Variants in ARHGAP31 observed in about 807,000 individuals in gnomAD.
ARHGAP31 encodes Rho GTPase activating protein 31, also known as rho GTPase-activating protein 31.
In ARHGAP31, 34 loss-of-function variants were observed where a neutral mutation model predicts 113.9. The ratio of observed to expected loss-of-function variants is 0.30; its 90% CI spans 0.23 to 0.40. The LOEUF is 0.40. Among genes scored for constraint, ARHGAP31 ranks in the 10% least tolerant of loss-of-function variants. The pLI, the probability that ARHGAP31 is intolerant of heterozygous loss-of-function variation, is 1.00. For synonymous variants in ARHGAP31, 650 were observed against 684.8 expected, an observed-to-expected ratio of 0.95 and a Z score of 0.79; for missense variants, 1,548 against 1,767.1, an observed-to-expected ratio of 0.88 and a Z score of 2.22.
At chr3:119,331,898 G>A (rs954187292) in intron 1 of ARHGAP31, among the ~76,000 whole-genome samples, 3 of 152,042 alleles carry the variant, frequency 2.0e-5, no homozygotes, top group Non-Finnish European at 2.9e-5. Context: ...CTGGCTGCCT[G>A]CACCGCCTCA....
chr3:119,393,506 A>G lies in ARHGAP31; in HGVS notation c.921A>G (p.Ile307Met). Residue 307 changes from isoleucine (I) to methionine (M), a missense_variant, in exon 8 of 12, where the codon ATA becomes ATG. By Grantham distance (10) the Ile-to-Met change is conservative (BLOSUM62 1). Coordinates refer to ENST00000264245, the MANE Select transcript of ARHGAP31 (RefSeq NM_020754.4). ...LSSKSKKWKSIFNLGRSGSDS... is the reference protein window; with the variant it reads ...LSSKSKKWKSMFNLGRSGSDS... ...GTAAATCAAAGAAGTGGAAATCAAT[A>G]TTTAACCTGGGACGTTCTGGATCAG... 6.2e-7 allele frequency: 1 copy of G among 1,614,170 alleles called. No individual in the cohort carries two copies. Among genetic ancestry groups the G allele is most frequent in the Non-Finnish European group, 8.5e-7 (1 of 1,180,012 alleles).
intron 1 of ARHGAP31, among the ~76,000 whole-genome samples, chr3:119,308,887 C>T (rs781178753): frequency 1.3e-5 from 2 of 152,124 alleles, no homozygotes; most frequent in African/African-American, 2.4e-5. Flanking sequence ...ATCACCCAGG[C>T]TGGAGTGCAG....
In ARHGAP31 at chr3:119,414,623, C is replaced by T; in HGVS notation, c.2694C>T (p.Ala898=). 13 of 1,614,166 alleles carry T rather than the reference C, an allele frequency of 8.1e-6. No homozygotes were observed. The highest frequency in any genetic ancestry group is 1.1e-5 in the Non-Finnish European group (13 of 1,180,032). ...AAGATGACACTGTGACAGACATTGC[C>T]CAGCATGGCCTGGAGATGGTGGAGC... ...CDEDDTVTDI[A]QHGLEMVEPW... The change falls in exon 12 of 12, where the codon GCC becomes GCT. Residue 898 remains alanine, a synonymous_variant. Transcript: ENST00000264245.
chr3:119,343,558 A>G (rs16829716), intron 1 of ARHGAP31, among the ~76,000 whole-genome samples: 9,098 of 152,276 alleles, frequency 0.06, 372 homozygotes, highest in South Asian at 0.1. Context: ...TTTCCAGAAG[A>G]GTGCTCCAAA....
At chr3:119,359,733 TG>T (rs201108597) in intron 1 of ARHGAP31, among the ~76,000 whole-genome samples, 2 of 152,022 alleles carry the variant, frequency 1.3e-5, no homozygotes, top group East Asian at 1.9e-4. Context: ...TCTTGGATTC[TG>T]GGGGGGAAAC....
At chr3:119,399,399 C>T (rs1352445431) in intron 9 of ARHGAP31, 138 bp downstream of exon 9, 5 of 766,932 alleles carry the variant, frequency 6.5e-6, no homozygotes, top group Non-Finnish European at 1.1e-5. Context: ...CCTCACTGAC[C>T]CTACCCTAAC....
At chr3:119,300,586 T>C (rs1457952842) in intron 1 of ARHGAP31, among the ~76,000 whole-genome samples, 1 of 151,956 alleles carries the variant, frequency 6.6e-6, no homozygotes, top group African/African-American at 2.4e-5. Context: ...TCCAGCACTT[T>C]GGGAGGCCAA....
intron 3 of ARHGAP31, among the ~76,000 whole-genome samples, chr3:119,377,541 G>T (rs1363167720): frequency 2.0e-5 from 3 of 152,216 alleles, no homozygotes; most frequent in Non-Finnish European, 4.4e-5. Flanking sequence ...GTGGAGGCCA[G>T]TGTGGCCTGT....
chr3:119,313,948 A>C (rs192189733), intron 1 of ARHGAP31, among the ~76,000 whole-genome samples: 1 of 152,352 alleles, frequency 6.6e-6, no homozygotes, highest in Non-Finnish European at 1.5e-5. Flanking sequence ...AGAGCTTGTC[A>C]CCAGTGGCAC....
intron 10 of ARHGAP31, among the ~76,000 whole-genome samples, chr3:119,403,367 C>T (rs182739542): frequency 1.3e-5 from 2 of 152,252 alleles, no homozygotes; most frequent in East Asian, 3.9e-4. Flanking sequence ...AGTGGAAACA[C>T]CAGGATTTTA....
At chr3:119,409,032 G>A (rs2080690625) in intron 10 of ARHGAP31, among the ~76,000 whole-genome samples, 1 of 152,170 alleles carries the variant, frequency 6.6e-6, no homozygotes, top group Non-Finnish European at 1.5e-5. Context: ...CTGGGCTAGA[G>A]CACGGTGTCT....
At chr3:119,309,930 A>T (rs1197698606) in intron 1 of ARHGAP31, among the ~76,000 whole-genome samples, 1 of 150,216 alleles carries the variant, frequency 6.7e-6, no homozygotes, top group East Asian at 2.0e-4. Flanking sequence ...GCCTGGGAAG[A>T]TTAAAGGCAC....
intron 7 of ARHGAP31, among the ~76,000 whole-genome samples, chr3:119,392,414 C>T (rs1316683596): frequency 1.3e-5 from 2 of 152,228 alleles, no homozygotes; most frequent in Admixed American, 6.5e-5. Context: ...CACCACTGAA[C>T]TCCAGCCTGG....
In ARHGAP31 at chr3:119,368,507, G is replaced by A; in HGVS notation, c.339G>A (p.Glu113=). 6.2e-7 allele frequency: 1 copy of A among 1,614,122 alleles called. No individual in the cohort carries two copies. The highest frequency in any genetic ancestry group is 1.1e-5 in the South Asian group (1 of 91,090). ...PNPLLTYELY[E]KFTEAVSHCP... ...CCCTCCTGACTTATGAGCTCTATGA[G>A]AAATTCACGGTGAGTGTTTGGATTT... The change falls in exon 3 of 12, where the codon GAG becomes GAA. Residue 113 remains glutamate, a synonymous_variant. Coordinates refer to ENST00000264245, the MANE Select transcript of ARHGAP31 (RefSeq NM_020754.4).
Position 119,294,790 on chromosome 3 carries a change from A to G in ARHGAP31, c.-115A>G, listed in dbSNP as rs1421149582. On this transcript the variant is annotated 5_prime_UTR_variant, in exon 1 of 12. It removes an upstream start codon present in the reference 5' UTR. Transcript: ENST00000264245. ...CCAGCCCAAGTTCTTCCATCTTCCG[A>G]TGCGGCCCCCCAGAGCCGCGGGGCA... The G allele has an allele frequency of 1.0e-6, 1 of 991,498 alleles. No individual in the cohort carries two copies. The highest frequency in any genetic ancestry group is 1.6e-6 in the Non-Finnish European group (1 of 627,674). The allele number at this position is 991,498 out of a possible 1,614,324, so 61.4% of individuals were successfully genotyped here.
At chr3:119,319,330 T>A (rs571642015) in intron 1 of ARHGAP31, among the ~76,000 whole-genome samples, 32 of 152,110 alleles carry the variant, frequency 2.1e-4, no homozygotes, top group Non-Finnish European at 4.0e-4. Context: ...CAAATATTTA[T>A]GTTGGTGTTT....
intron 1 of ARHGAP31, among the ~76,000 whole-genome samples, chr3:119,362,963 C>G (rs541287125): frequency 1.3e-5 from 2 of 152,162 alleles, no homozygotes; most frequent in African/African-American, 4.8e-5. Flanking sequence ...TTCTTATATG[C>G]CAGGGTCTGT....
chr3:119,388,237 T>A (rs1445650824), intron 6 of ARHGAP31, among the ~76,000 whole-genome samples: 3 of 151,234 alleles, frequency 2.0e-5, no homozygotes, highest in Admixed American at 2.0e-4. Context: ...TCTATTTTTT[T>A]TATATATTTG....
At chr3:119,381,102 C>A in intron 4 of ARHGAP31, 116 bp downstream of exon 4, 1 of 1,033,888 alleles carries the variant, frequency 9.7e-7, no homozygotes, top group Non-Finnish European at 1.5e-6. Context: ...TTAGGCTTTC[C>A]CAAGGGCATT....
Sources: allele counts gnomAD v4.1 joint callset (sites outside exome capture counted in the v4.1 genomes callset), GRCh38; gene constraint gnomAD v4.1.1; transcripts MANE v1.5; gene names NCBI Gene and HGNC (gene_info 2026-07-23, HGNC 2026-07-21).